The following NTRK2 variants were observed in gnomAD, a reference collection of about 807,000 sequenced individuals.
NTRK2 encodes the protein neurotrophic receptor tyrosine kinase 2.
NTRK2 carries 13 observed loss-of-function variants against 94.5 expected under a neutral mutation model. That is an observed-to-expected ratio of 0.14 (90% CI 0.09 to 0.22). The LOEUF (loss-of-function observed/expected upper bound fraction) is 0.22, where lower values mean the gene tolerates loss of function less well. NTRK2 is among the 10% of genes least tolerant of loss of function. The pLI, the probability that NTRK2 is intolerant of heterozygous loss-of-function variation, is 1.00. For missense variants in NTRK2, 639 were observed against 1,071.2 expected (o/e 0.60, Z 5.63); for synonymous variants, 372 against 407.4 (o/e 0.91, Z 1.05).
intron 2 of NTRK2, among the ~76,000 whole-genome samples, chr9:84,699,039 AT>A (rs11397169): frequency 5.2e-4 from 76 of 145,658 alleles, no homozygotes; most frequent in Non-Finnish European, 5.9e-4. Context: ...CTTGCTGAAA[AT>A]TTTTTTTTTT....
chr9:84,735,009 T>G (rs2063153444), intron 9 of NTRK2, among the ~76,000 whole-genome samples: 1 of 152,080 alleles, frequency 6.6e-6, no homozygotes, highest in African/African-American at 2.4e-5. Flanking sequence ...AAAACCAATC[T>G]CCTGTCCTTT....
chr9:85,019,851 T>G, intron 17 of NTRK2, among the ~76,000 whole-genome samples: 1 of 152,228 alleles, frequency 6.6e-6, no homozygotes, highest in Admixed American at 6.5e-5. Context: ...TTTGTTCTCC[T>G]GGTCAAAGTG....
At chr9:84,811,554 C>G in intron 12 of NTRK2, 1 of 1,065,340 alleles carries the variant, frequency 9.4e-7, no homozygotes, top group Non-Finnish European at 1.1e-6. Flanking sequence ...TGCAGCTTTT[C>G]TACTCTGAAA....
At chr9:84,668,819 A>G (rs1268004484), upstream of NTRK2, 1 of 152,228 alleles carries the variant, frequency 6.6e-6, no homozygotes, top group African/African-American at 2.4e-5. Flanking sequence ...GGGATGCCCT[A>G]CGTGGGGGTG....
At chr9:84,831,011 T>C (rs2073512243) in intron 12 of NTRK2, among the ~76,000 whole-genome samples, 1 of 152,226 alleles carries the variant, frequency 6.6e-6, no homozygotes, top group Admixed American at 6.5e-5. Context: ...CTTCATGGAG[T>C]TAACATTTGT....
At chr9:84,996,256 T>C (rs2133363249) in intron 17 of NTRK2, among the ~76,000 whole-genome samples, 1 of 152,328 alleles carries the variant, frequency 6.6e-6, no homozygotes, top group Non-Finnish European at 1.5e-5. Context: ...CTCTGAAATT[T>C]ATTAGTGCAG....
At chr9:84,921,428 C>G (rs1227829007) in intron 14 of NTRK2, among the ~76,000 whole-genome samples, 1 of 152,100 alleles carries the variant, frequency 6.6e-6, no homozygotes, top group Non-Finnish European at 1.5e-5. Flanking sequence ...CTTTTAACAC[C>G]AGTGATTCTT....
intron 12 of NTRK2, among the ~76,000 whole-genome samples, chr9:84,818,165 G>A (rs1428666937): frequency 6.6e-6 from 1 of 152,146 alleles, no homozygotes; most frequent in Non-Finnish European, 1.5e-5. Flanking sequence ...CTGAGGAATG[G>A]AGCCATGAGG....
intron 17 of NTRK2, among the ~76,000 whole-genome samples, chr9:84,994,916 A>G (rs1364176738): frequency 2.0e-5 from 3 of 152,250 alleles, no homozygotes; most frequent in Non-Finnish European, 4.4e-5. Context: ...ACTAATGTGC[A>G]GAAAGGATGG....
At chr9:84,840,970 G>A (rs1417193012) in intron 12 of NTRK2, among the ~76,000 whole-genome samples, 1 of 152,120 alleles carries the variant, frequency 6.6e-6, no homozygotes, top group Non-Finnish European at 1.5e-5. Context: ...CCAGGCTGCT[G>A]CATTCTCTCT....
intron 10 of NTRK2, 116 bp downstream of exon 10, chr9:84,742,043 C>T: frequency 1.1e-6 from 1 of 897,468 alleles, no homozygotes; most frequent in Non-Finnish European, 1.8e-6. Flanking sequence ...TTAAGCATTA[C>T]ATAGGCCAAA....
intron 10 of NTRK2, among the ~76,000 whole-genome samples, chr9:84,742,244 G>A (rs1162329009): frequency 6.6e-6 from 1 of 152,210 alleles, no homozygotes; most frequent in East Asian, 1.9e-4. Flanking sequence ...ACCAAGAAAA[G>A]GGAGGTATAT....
At position 84,871,370 on chromosome 9, in the gene NTRK2, G is replaced by A. The variant is rs185791122; in HGVS notation, c.1633+3939G>A. ...TGGATTCCCCAAGATTTAAGACACC[G>A]GGTGAGATAAATAAAAATATATCAG... On this transcript the variant is annotated intron_variant, in intron 14 of 18. Transcript: ENST00000277120. Among the ~76,000 whole-genome samples the A allele has an allele frequency of 1.6e-4, 24 of 152,256 alleles. 1 individual carries two copies. The East Asian group carries it at 3.5e-3, about 22-fold the overall frequency.
At chr9:84,858,898 A>G (rs573496112) in intron 12 of NTRK2, among the ~76,000 whole-genome samples, 3 of 152,340 alleles carry the variant, frequency 2.0e-5, no homozygotes, top group South Asian at 4.1e-4. Flanking sequence ...CTATGATTTG[A>G]CATCAGAAGA....
At chr9:84,888,611 CAAAAAAAAAAAAAAAAAAAAAAAAAA>C (rs71369158) in intron 14 of NTRK2, among the ~76,000 whole-genome samples, 1 of 33,846 alleles carries the variant, frequency 3.0e-5, no homozygotes, top group African/African-American at 1.5e-4. Flanking sequence ...CACTCCATCT[CAAAAAAAAAAAAAAAAAAAAAAAAAA>C]AAAAAAAAAA....
intron 2 of NTRK2, among the ~76,000 whole-genome samples, chr9:84,685,891 C>G (rs2059682723): frequency 6.6e-6 from 1 of 152,228 alleles, no homozygotes; most frequent in Admixed American, 6.5e-5. Flanking sequence ...TCTGTACACA[C>G]CGTTAGGACA....
At chr9:84,768,005 G>A (rs778252677) in intron 12 of NTRK2, among the ~76,000 whole-genome samples, 1 of 152,154 alleles carries the variant, frequency 6.6e-6, no homozygotes, top group Non-Finnish European at 1.5e-5. Flanking sequence ...CTTGCATAAT[G>A]GAAACCTAAG....
intron 5 of NTRK2, among the ~76,000 whole-genome samples, chr9:84,710,222 C>T (rs2061348263): frequency 6.6e-6 from 1 of 152,202 alleles, no homozygotes; most frequent in Admixed American, 6.5e-5. Context: ...AAAGTGGTAA[C>T]ACTTGAGCCT....
At chr9:84,865,990 A>G (rs998535568) in intron 13 of NTRK2, among the ~76,000 whole-genome samples, 1 of 152,258 alleles carries the variant, frequency 6.6e-6, no homozygotes, top group African/African-American at 2.4e-5. Flanking sequence ...AAGATACAGT[A>G]GACTGTATGT....
Sources: allele counts gnomAD v4.1 joint callset (sites outside exome capture counted in the v4.1 genomes callset), GRCh38; gene constraint gnomAD v4.1.1; transcripts MANE v1.5; gene names NCBI Gene and HGNC (gene_info 2026-07-23, HGNC 2026-07-21).